Variants in IKZF1 observed in about 807,000 individuals in gnomAD.
The protein encoded by IKZF1 is DNA-binding protein Ikaros.
Under a neutral mutation model 51.7 loss-of-function variants are expected in IKZF1, and 10 were observed. The ratio of observed to expected loss-of-function variants is 0.19; its 90% CI spans 0.12 to 0.33. The LOEUF (loss-of-function observed/expected upper bound fraction) is 0.33. IKZF1 is among the 10% of genes least tolerant of loss of function. IKZF1 has a pLI of 1.00. For synonymous variants in IKZF1, 280 were observed against 282.3 expected (o/e 0.99, Z 0.08); for missense variants, 484 against 707.5 (o/e 0.68, Z 3.58).
chr7:50,359,675 C>T (rs971270301), intron 3 of IKZF1, among the ~76,000 whole-genome samples: 2 of 152,266 alleles, frequency 1.3e-5, no homozygotes, highest in African/African-American at 4.8e-5. Flanking sequence ...CGTGGTCACT[C>T]ATGTACACAT....
At chr7:50,339,215 T>TTG (rs1158908841) in intron 3 of IKZF1, among the ~76,000 whole-genome samples, 35,808 of 126,192 alleles carry the variant, frequency 0.28, 5,037 homozygotes, top group East Asian at 0.32. Flanking sequence ...TTGGGTAGGG[T>TTG]TGTGTGTGTG....
Position 50,382,706 on chromosome 7 carries a change from C to T in IKZF1, c.588C>T (p.Ser196=), listed in dbSNP as rs372403425. 1.6e-5 allele frequency: 26 copies of T among 1,605,264 alleles called. No individual in the cohort carries two copies. Among genetic ancestry groups the T allele is most frequent in the Middle Eastern group, 3.4e-4 (2 of 5,868 alleles). Residue 196 remains serine (S), a splice_region_variant and synonymous_variant, in exon 5 of 8, where the codon TCC becomes TCT. Coordinates refer to ENST00000331340, the MANE Select transcript of IKZF1 (RefSeq NM_006060.6). ...TCACTGGCCACCTGAGGACGCACTC[C>T]GGTAGGTCCCCTGGATGCAGTCCGG... ...DALTGHLRTH[S]VGKPHKCGYC... is the part of the protein sequence containing the mutation.
rs1018202186 is a variant in IKZF1 at position 50,331,070 on chromosome 7, A to G, written c.160+3313A>G. Among the ~76,000 whole-genome samples the G allele has an allele frequency of 8.6e-3, 1,309 of 152,300 alleles. 18 individuals are homozygous for G. The highest frequency in any genetic ancestry group is 0.03 in the African/African-American group (1,243 of 41,556). On this transcript the variant is annotated intron_variant, in intron 3 of 7. Coordinates refer to ENST00000331340, the MANE Select transcript of IKZF1 (RefSeq NM_006060.6). ...CTTGAGGGTTAGATGGAACATATAT[A>G]GACATAATTTGTTGAAGACAGAGTA... is the stretch of plus-strand genomic sequence containing the variant.
At position 50,357,358 on chromosome 7, in the gene IKZF1, C is replaced by T. The variant is rs942299085; in HGVS notation, c.161-19175C>T. On this transcript the variant is annotated intron_variant, in intron 3 of 7. Transcript: ENST00000331340. Reference sequence around the variant, plus strand: ...AGCCACCACCCCACCACCCCCCCACCGCCAAGTCCACTGCTGACCCTGCTG... The same window carrying T: ...AGCCACCACCCCACCACCCCCCCACTGCCAAGTCCACTGCTGACCCTGCTG... 7.3e-5 allele frequency among the ~76,000 whole-genome samples: 11 copies of T among 150,098 alleles called. No individual in the cohort carries two copies. The South Asian group carries it at 1.1e-3, about 15-fold the overall frequency.
intron 7 of IKZF1, among the ~76,000 whole-genome samples, chr7:50,394,807 C>T (rs1317168155): frequency 1.3e-5 from 2 of 152,262 alleles, no homozygotes; most frequent in East Asian, 3.9e-4. Flanking sequence ...AGCAACATTC[C>T]TCACCACTGG....
Position 50,376,622 on chromosome 7 carries a change from A to G in IKZF1, c.250A>G (p.Met84Val). 1 of 1,613,988 alleles carries G rather than the reference A, an allele frequency of 6.2e-7. No individual in the cohort carries two copies. Among genetic ancestry groups the G allele is most frequent in the Non-Finnish European group, 8.5e-7 (1 of 1,179,866 alleles). The part of the protein sequence containing the change: ...NGEECAEDLR[M>V]LDASGEKMNG... ...GGAAGAATGTGCGGAGGATTTACGA[A>G]TGCTTGATGCCTCGGGAGAGAAAAT... The change falls in exon 4 of 8, where the codon ATG becomes GTG. Residue 84 changes from methionine to valine, a missense_variant. Physicochemically the swap from Met to Val is conservative, Grantham distance 21 (BLOSUM62 1). This residue lies in a region of IKZF1 where 118 missense variants were observed against 138.4 expected (regional missense o/e 0.85). Transcript: ENST00000331340. This position sits in a 1 kb window ranked among gnomAD's most constrained non-coding sequence, Gnocchi z 4.5.
At chr7:50,361,858 G>C (rs1028624021) in intron 3 of IKZF1, among the ~76,000 whole-genome samples, 1 of 151,998 alleles carries the variant, frequency 6.6e-6, no homozygotes, top group African/African-American at 2.4e-5. Flanking sequence ...CCTGGTGACA[G>C]AGCAAGACTC....
intron 3 of IKZF1, among the ~76,000 whole-genome samples, chr7:50,335,847 G>A (rs1797645098): frequency 1.3e-5 from 2 of 151,948 alleles, no homozygotes; most frequent in East Asian, 3.8e-4. Flanking sequence ...AGGCCATGTG[G>A]GTAGGTAGGC....
intron 3 of IKZF1, among the ~76,000 whole-genome samples, chr7:50,348,901 CA>C (rs1486503789): frequency 6.6e-6 from 1 of 152,198 alleles, no homozygotes; most frequent in Non-Finnish European, 1.5e-5. Context: ...TTGTCATGGG[CA>C]GGCATGGCCC....
intron 3 of IKZF1, among the ~76,000 whole-genome samples, chr7:50,332,905 G>A (rs1248389916): frequency 1.3e-5 from 2 of 152,104 alleles, no homozygotes; most frequent in African/African-American, 4.8e-5. Flanking sequence ...TCCTGAAGTT[G>A]GGAGGGGATC....
At chr7:50,309,659 T>C (rs1227584141) in intron 1 of IKZF1, among the ~76,000 whole-genome samples, 1 of 152,216 alleles carries the variant, frequency 6.6e-6, no homozygotes, top group Non-Finnish European at 1.5e-5. Context: ...AAATGAACAA[T>C]GTGGTTTAGA....
Position 50,323,440 on chromosome 7 carries a change from G to A in IKZF1, c.41-4198G>A, listed in dbSNP as rs190447366. ...CTCATGCATTTAGGAGAGGCGGGAT[G>A]ACAGAACTTTGTTGAGTGAATTATA... is the stretch of plus-strand genomic sequence containing the variant. On this transcript the variant is annotated intron_variant, in intron 2 of 7. Coordinates refer to ENST00000331340, the MANE Select transcript of IKZF1 (RefSeq NM_006060.6). Among the ~76,000 whole-genome samples the A allele has an allele frequency of 1.5e-3, 231 of 152,334 alleles. 1 individual carries two copies. Among genetic ancestry groups the A allele is most frequent in the African/African-American group, 5.1e-3 (213 of 41,564 alleles).
chr7:50,311,611 C>T (rs531151928), intron 1 of IKZF1, among the ~76,000 whole-genome samples: 158 of 152,318 alleles, frequency 1.0e-3, no homozygotes, highest in Non-Finnish European at 2.0e-3. Context: ...CACACAAGCA[C>T]TTATTTTAAT....
At chr7:50,397,427 C>T (rs1486754477) in intron 7 of IKZF1, among the ~76,000 whole-genome samples, 2 of 152,022 alleles carry the variant, frequency 1.3e-5, no homozygotes, top group Non-Finnish European at 2.9e-5. Context: ...TTTTCCTACA[C>T]CCATTTGTTG....
At chr7:50,339,462 A>G (rs1798565942) in intron 3 of IKZF1, among the ~76,000 whole-genome samples, 1 of 152,130 alleles carries the variant, frequency 6.6e-6, no homozygotes, top group Admixed American at 6.5e-5. Flanking sequence ...ATGATTAGAA[A>G]AGGATTTGGC....
At chr7:50,384,773 A>T (rs1812887603) in intron 5 of IKZF1, among the ~76,000 whole-genome samples, 1 of 152,254 alleles carries the variant, frequency 6.6e-6, no homozygotes, top group African/African-American at 2.4e-5. Flanking sequence ...AGCCATGTAG[A>T]CATAGACACA....
At chr7:50,391,150 A>G (rs1814928493) in intron 6 of IKZF1, among the ~76,000 whole-genome samples, 1 of 152,218 alleles carries the variant, frequency 6.6e-6, no homozygotes, top group Middle Eastern at 3.2e-3. Flanking sequence ...ATTTACCTCC[A>G]TAATTTCTAA....
At chr7:50,314,752 G>T (rs1395220682) in intron 1 of IKZF1, among the ~76,000 whole-genome samples, 6 of 152,202 alleles carry the variant, frequency 3.9e-5, no homozygotes, top group Admixed American at 3.9e-4. Context: ...CTCCACAGGA[G>T]CCCCAGCAGG....
chr7:50,385,907 C>T (rs980339734), intron 5 of IKZF1, among the ~76,000 whole-genome samples: 1 of 152,140 alleles, frequency 6.6e-6, no homozygotes, highest in African/African-American at 2.4e-5. Flanking sequence ...ATTAAATGGT[C>T]GAGAAGTCAA....
Sources: allele counts gnomAD v4.1 joint callset (sites outside exome capture counted in the v4.1 genomes callset), GRCh38; gene constraint gnomAD v4.1.1; regional missense constraint gnomAD v4.1.1; non-coding constraint Gnocchi (gnomAD v3.1); transcripts MANE v1.5; gene names NCBI Gene and HGNC (gene_info 2026-07-23, HGNC 2026-07-21).